Variants in RAB31 observed in about 807,000 individuals in gnomAD.
The protein encoded by RAB31 is RAB31, member RAS oncogene family.
Under a neutral mutation model 25.6 loss-of-function variants are expected in RAB31, and 21 were observed. That is an observed-to-expected ratio of 0.82 (90% CI 0.58 to 1.18). The LOEUF (loss-of-function observed/expected upper bound fraction) is 1.18, where lower values mean the gene tolerates loss of function less well. RAB31 is among the 50% of genes most tolerant of loss of function. RAB31 has a pLI of 0.00. For missense variants in RAB31, 196 were observed against 250.1 expected (o/e 0.78, Z 1.46); for synonymous variants, 87 against 84.0 (o/e 1.04, Z -0.20).
intron 5 of RAB31, among the ~76,000 whole-genome samples, chr18:9,821,365 G>A (rs1458694879): frequency 6.6e-6 from 1 of 152,014 alleles, no homozygotes; most frequent in East Asian, 1.9e-4. Flanking sequence ...AAGGTTGAGG[G>A]CCCTCTGCAG....
intron 5 of RAB31, among the ~76,000 whole-genome samples, chr18:9,827,875 A>G (rs2068657765): frequency 6.6e-6 from 1 of 152,182 alleles, no homozygotes; most frequent in Non-Finnish European, 1.5e-5. Flanking sequence ...TTGGGCAGCC[A>G]AGAAAGGGGG....
intron 3 of RAB31, among the ~76,000 whole-genome samples, chr18:9,802,642 C>T (rs964110627): frequency 5.3e-5 from 8 of 152,190 alleles, no homozygotes; most frequent in African/African-American, 1.9e-4. Flanking sequence ...TCAGCCATAC[C>T]GCTTGTTCAC....
At chr18:9,792,517 G>T (rs568269013) in intron 3 of RAB31, among the ~76,000 whole-genome samples, 6 of 152,074 alleles carry the variant, frequency 3.9e-5, no homozygotes, top group Non-Finnish European at 7.4e-5. Context: ...TTGCACTCTC[G>T]ATTTGGTTCA....
chr18:9,799,111 C>G (rs1196890727), intron 3 of RAB31, among the ~76,000 whole-genome samples: 2 of 152,154 alleles, frequency 1.3e-5, no homozygotes, highest in African/African-American at 4.8e-5. Context: ...GAGATGAGGT[C>G]TTGCTATGTT....
chr18:9,820,412 G>C (rs1201933473), intron 5 of RAB31, among the ~76,000 whole-genome samples: 1 of 152,004 alleles, frequency 6.6e-6, no homozygotes, highest in Non-Finnish European at 1.5e-5. Flanking sequence ...CTAGTGTTTT[G>C]TTAAGGATTT....
intron 5 of RAB31, among the ~76,000 whole-genome samples, chr18:9,832,893 G>A (rs1450255836): frequency 6.6e-6 from 1 of 152,198 alleles, no homozygotes; most frequent in East Asian, 1.9e-4. Flanking sequence ...CCTCCCTGCG[G>A]GGCACGAGGG....
intron 2 of RAB31, among the ~76,000 whole-genome samples, chr18:9,780,091 A>G (rs1196838362): frequency 6.6e-6 from 1 of 151,418 alleles, no homozygotes; most frequent in African/African-American, 2.4e-5. Flanking sequence ...TAGGAGGATC[A>G]CCTGAGACCT....
At chr18:9,828,828 G>C (rs1007875090) in intron 5 of RAB31, among the ~76,000 whole-genome samples, 1 of 152,112 alleles carries the variant, frequency 6.6e-6, no homozygotes, top group African/African-American at 2.4e-5. Context: ...AACATCAAAA[G>C]GCCTGAAAAA....
At chr18:9,752,055 G>A (rs992335277) in intron 1 of RAB31, among the ~76,000 whole-genome samples, 2 of 152,106 alleles carry the variant, frequency 1.3e-5, no homozygotes, top group Non-Finnish European at 2.9e-5. Flanking sequence ...CTCTCGCCTT[G>A]CTGACTCTCC....
At chr18:9,786,056 G>GAAAA (rs1599037840) in intron 2 of RAB31, among the ~76,000 whole-genome samples, 1 of 150,042 alleles carries the variant, frequency 6.7e-6, no homozygotes, top group African/African-American at 2.5e-5. Flanking sequence ...GAGAAAGAAA[G>GAAAA]AGAGAAAGAG....
chr18:9,709,276 G>C (rs1057460992), intron 1 of RAB31, among the ~76,000 whole-genome samples: 1 of 152,190 alleles, frequency 6.6e-6, no homozygotes, highest in African/African-American at 2.4e-5. Context: ...TGGGAATTCA[G>C]ATAAACGTAG....
At chr18:9,754,207 A>C (rs962049417) in intron 1 of RAB31, among the ~76,000 whole-genome samples, 10 of 152,226 alleles carry the variant, frequency 6.6e-5, no homozygotes, top group African/African-American at 2.2e-4. Context: ...TGTGAGTTCC[A>C]TGTTTGTGGA....
intron 1 of RAB31, among the ~76,000 whole-genome samples, chr18:9,760,597 G>A (rs758671279): frequency 3.3e-5 from 5 of 152,126 alleles, no homozygotes; most frequent in Non-Finnish European, 5.9e-5. Context: ...ATTTAAAGCC[G>A]AGAGATGAGG....
intron 1 of RAB31, among the ~76,000 whole-genome samples, chr18:9,740,883 G>A (rs2068174782): frequency 6.6e-6 from 1 of 152,172 alleles, no homozygotes; most frequent in Non-Finnish European, 1.5e-5. Flanking sequence ...TCTAATGGCA[G>A]AGGTGCCTCC....
chr18:9,720,674 C>CTTT (rs796200232), intron 1 of RAB31, among the ~76,000 whole-genome samples: 1,901 of 134,086 alleles, frequency 0.014, 22 homozygotes, highest in Middle Eastern at 0.023. Flanking sequence ...GTAATTTTCT[C>CTTT]TTTTTTTTTT....
At position 9,860,784 on chromosome 18, in the gene RAB31, C is replaced by T. The variant is rs471971; in HGVS notation, c.*1459C>T. On this transcript the variant is annotated 3_prime_UTR_variant, in exon 7 of 7. Transcript: ENST00000578921. ...GCTAACCTTTATTGACAATCTATAT[C>T]GCAAAAGTCAGGAAAGAGGTTGTGA... The T allele has an allele frequency of 0.66, 100,767 of 152,058 alleles. 33,907 individuals carry two copies. The highest frequency in any genetic ancestry group is 0.78 in the East Asian group (4,041 of 5,166). 9.4% of individuals were successfully genotyped at this position (152,058 alleles called of 1,614,324 possible). A position where few individuals can be genotyped will look rare whatever the true frequency, so the allele number is the denominator to read the frequency against.
At chr18:9,743,927 T>C (rs745882620) in intron 1 of RAB31, among the ~76,000 whole-genome samples, 9 of 152,206 alleles carry the variant, frequency 5.9e-5, no homozygotes, top group Non-Finnish European at 1.0e-4. Flanking sequence ...CCCTCACCCA[T>C]CTTCTGTGGT....
chr18:9,746,912 A>G (rs1116701), intron 1 of RAB31, among the ~76,000 whole-genome samples: 119,521 of 152,210 alleles, frequency 0.79, 47,366 homozygotes, highest in African/African-American at 0.86. Flanking sequence ...AAGAAAATGC[A>G]TAAATTGGAC....
At chr18:9,771,055 C>T (rs949101004) in intron 1 of RAB31, among the ~76,000 whole-genome samples, 6 of 151,966 alleles carry the variant, frequency 3.9e-5, no homozygotes, top group Admixed American at 6.6e-5. Context: ...CCTGTAGTCT[C>T]GGCTACTGGA....
Sources: gnomAD v4.1 joint callset for allele counts (sites outside exome capture counted in the v4.1 genomes callset) on GRCh38, gnomAD v4.1.1 for gene constraint, MANE v1.5 for transcripts, NCBI Gene and HGNC (gene_info 2026-07-23, HGNC 2026-07-21) for gene names.